The following OCA2 variants were observed in gnomAD, a reference collection of about 807,000 sequenced individuals.
OCA2 encodes P protein.
In OCA2, 77 loss-of-function variants were observed where a neutral mutation model predicts 100.2. The ratio of observed to expected loss-of-function variants is 0.77; its 90% confidence interval spans 0.64 to 0.93. The LOEUF is 0.93. OCA2 is among the 40% of genes least tolerant of loss of function. The pLI, the probability that OCA2 is intolerant of heterozygous loss-of-function variation, is 0.00. For missense variants in OCA2, 1,062 were observed against 1,089.1 expected, an observed-to-expected ratio of 0.98 and a Z score of 0.35; for synonymous variants, 432 against 439.2, an observed-to-expected ratio of 0.98 and a Z score of 0.21.
downstream of OCA2, among the ~76,000 whole-genome samples, chr15:27,751,438 T>C (rs2030061578): frequency 2.0e-5 from 3 of 152,114 alleles, no homozygotes; most frequent in South Asian, 6.2e-4. Flanking sequence ...TGACTTAAAA[T>C]TACCCTACAA....
In OCA2 at chr15:27,810,036, C is replaced by CA. The variant is rs960161157; in HGVS notation, c.2432+34922dup. ...TAAAATCCTAAACTTCATGTGCTAC[C>CA]AAAAAAAAGGGCCTGAACAGACAAA... On this transcript the variant is annotated intron_variant, in intron 23 of 23. Coordinates refer to ENST00000354638, the MANE Select transcript of OCA2 (RefSeq NM_000275.3). Among the ~76,000 whole-genome samples the CA allele has an allele frequency of 5.3e-5, 8 of 151,394 alleles. No homozygotes were observed. The East Asian group carries it at 7.8e-4, about 15-fold the overall frequency.
At chr15:27,823,886 T>C (rs967767639) in intron 23 of OCA2, among the ~76,000 whole-genome samples, 3 of 152,212 alleles carry the variant, frequency 2.0e-5, no homozygotes, top group African/African-American at 7.2e-5. Context: ...TACATTGCAA[T>C]ACTAAGGAGC....
chr15:27,883,952 G>C (rs1419926033), intron 19 of OCA2, among the ~76,000 whole-genome samples: 3 of 152,098 alleles, frequency 2.0e-5, no homozygotes, highest in African/African-American at 7.2e-5. Context: ...ATTTTCACAA[G>C]CATTTCAAAT....
rs921872033 is a variant in OCA2 at position 27,807,720 on chromosome 15, TA to T, written c.2432+37238del. Among the ~76,000 whole-genome samples the T allele has an allele frequency of 2.0e-5, 3 of 152,164 alleles. No individual in the cohort carries two copies. In the South Asian group the frequency reaches 6.2e-4, roughly 32 times the overall value. On this transcript the variant is annotated intron_variant, in intron 23 of 23. Transcript: ENST00000354638. ...ACTTTAAAAATAATCTCCTCTCCCATAAAAAAAGAAGAAATTCTCAGGAAGG... is the reference window on the plus strand; with the variant it reads ...ACTTTAAAAATAATCTCCTCTCCCATAAAAAAGAAGAAATTCTCAGGAAGG...
At chr15:28,083,877 A>G (rs1434421817) in intron 1 of OCA2, among the ~76,000 whole-genome samples, 1 of 152,196 alleles carries the variant, frequency 6.6e-6, no homozygotes, top group East Asian at 1.9e-4. Flanking sequence ...CCTGCTCTCC[A>G]TTGACAATTC....
At chr15:27,827,494 G>A (rs2034777676) in intron 23 of OCA2, among the ~76,000 whole-genome samples, 1 of 151,848 alleles carries the variant, frequency 6.6e-6, no homozygotes, top group African/African-American at 2.4e-5. Context: ...CAAATCCAAT[G>A]TGCAAGTCAT....
intron 14 of OCA2, among the ~76,000 whole-genome samples, chr15:27,980,485 T>C (rs1284773439): frequency 6.6e-6 from 1 of 152,238 alleles, no homozygotes; most frequent in Admixed American, 6.5e-5. Flanking sequence ...GTATTCTTCA[T>C]GACTTTGTGA....
intron 23 of OCA2, among the ~76,000 whole-genome samples, chr15:27,829,778 C>T (rs550521974): frequency 2.0e-5 from 3 of 152,310 alleles, no homozygotes; most frequent in East Asian, 1.9e-4. Context: ...TTACCTGATT[C>T]GCCACTTTGG....
chr15:27,896,422 A>G, intron 19 of OCA2: 1 of 706,952 alleles, frequency 1.4e-6, no homozygotes, highest in Non-Finnish European at 2.6e-6. Context: ...AAGAAAGCTC[A>G]TGCTGCTATA....
intron 18 of OCA2, among the ~76,000 whole-genome samples, chr15:27,943,980 T>C (rs1035010408): frequency 3.9e-5 from 6 of 152,236 alleles, no homozygotes; most frequent in African/African-American, 1.4e-4. Context: ...CAGGATCTCC[T>C]GGAGTGGTGT....
At chr15:27,751,263 C>A (rs2030055533), downstream of OCA2, among the ~76,000 whole-genome samples, 1 of 152,126 alleles carries the variant, frequency 6.6e-6, no homozygotes, top group South Asian at 2.1e-4. Context: ...AATGGTGGAC[C>A]CTTCCTATGG....
chr15:28,001,351 G>A (rs1313661309), intron 9 of OCA2, among the ~76,000 whole-genome samples: 2 of 152,022 alleles, frequency 1.3e-5, no homozygotes, highest in Admixed American at 6.5e-5. Flanking sequence ...CAACATGGAC[G>A]AACCTGAATG....
At chr15:27,928,588 A>G (rs2039131395) in intron 18 of OCA2, among the ~76,000 whole-genome samples, 1 of 152,140 alleles carries the variant, frequency 6.6e-6, no homozygotes, top group Admixed American at 6.5e-5. Flanking sequence ...CTGCTCATTC[A>G]GGTGTTGACA....
At chr15:28,027,088 T>C (rs2141339508) in intron 4 of OCA2, among the ~76,000 whole-genome samples, 1 of 152,252 alleles carries the variant, frequency 6.6e-6, no homozygotes, top group East Asian at 1.9e-4. Flanking sequence ...TTCAAACATG[T>C]CCCTCTCAAA....
intron 2 of OCA2, among the ~76,000 whole-genome samples, chr15:28,036,711 A>T (rs1224661870): frequency 7.6e-6 from 1 of 131,576 alleles, no homozygotes; most frequent in Non-Finnish European, 1.5e-5. Flanking sequence ...AAAATGAGCT[A>T]AAAAATGTTG....
chr15:28,038,090 CTT>C (rs142578748), intron 2 of OCA2, among the ~76,000 whole-genome samples: 7,741 of 152,302 alleles, frequency 0.051, 266 homozygotes, highest in Middle Eastern at 0.093. Context: ...CTTCTCCTCT[CTT>C]TCTCTCTCCC....
the OCA2 span, among the ~76,000 whole-genome samples, chr15:27,725,286 A>G: frequency 1.3e-4 from 20 of 152,354 alleles, no homozygotes; most frequent in South Asian, 3.3e-3. Flanking sequence ...GCCAAGACCT[A>G]CCTTCCTTGA....
At chr15:27,856,892 T>A (rs891831445) in intron 21 of OCA2, among the ~76,000 whole-genome samples, 5 of 152,196 alleles carry the variant, frequency 3.3e-5, no homozygotes, top group Non-Finnish European at 7.4e-5. Flanking sequence ...GACTCAGCAA[T>A]GTCTGAGGAA....
chr15:27,964,127 A>G (rs2040489684), intron 15 of OCA2, among the ~76,000 whole-genome samples: 1 of 152,212 alleles, frequency 6.6e-6, no homozygotes, highest in Non-Finnish European at 1.5e-5. Context: ...CCTTTCCACA[A>G]AAACATCCAG....
Sources: gnomAD v4.1 joint callset for allele counts (sites outside exome capture counted in the v4.1 genomes callset) on GRCh38, gnomAD v4.1.1 for gene constraint, MANE v1.5 for transcripts, NCBI Gene and HGNC (gene_info 2026-07-23, HGNC 2026-07-21) for gene names.